The following DGKB variants were observed in gnomAD, a reference collection of about 807,000 sequenced individuals.
DGKB encodes the protein 90 kDa diacylglycerol kinase.
DGKB carries 67 observed loss-of-function variants against 114.3 expected under a neutral mutation model. The observed-to-expected ratio is 0.59, with a 90% CI of 0.48 to 0.72. DGKB has a LOEUF of 0.72. Among genes scored for constraint, DGKB ranks in the 30% least tolerant of loss-of-function variants. The pLI is 0.00. For missense variants in DGKB, 907 were observed against 975.2 expected, an observed-to-expected ratio of 0.93 and a Z score of 0.93; for synonymous variants, 398 against 323.1, an observed-to-expected ratio of 1.23 and a Z score of -2.49.
intron 1 of DGKB, among the ~76,000 whole-genome samples, chr7:14,949,434 G>T (rs181213150): frequency 6.6e-6 from 1 of 151,920 alleles, no homozygotes; most frequent in African/African-American, 2.4e-5. Flanking sequence ...ATAGAAAATT[G>T]TAAACATAAT....
At chr7:14,526,660 A>G (rs1167820356) in intron 20 of DGKB, among the ~76,000 whole-genome samples, 3 of 152,174 alleles carry the variant, frequency 2.0e-5, no homozygotes, top group Non-Finnish European at 4.4e-5. Flanking sequence ...ACTGATATTT[A>G]AAAACTCAAG....
At chr7:14,177,008 G>T (rs1347804863) in intron 24 of DGKB, 109 bp from the exon 25 acceptor site, 7 of 1,267,190 alleles carry the variant, frequency 5.5e-6, no homozygotes, top group Non-Finnish European at 7.7e-6. Context: ...GTAATAGTTG[G>T]GCTCTAAATT....
At chr7:14,876,828 A>T (rs1021379418) in intron 1 of DGKB, among the ~76,000 whole-genome samples, 7 of 152,226 alleles carry the variant, frequency 4.6e-5, no homozygotes, top group Non-Finnish European at 7.3e-5. Context: ...ATTATCATAC[A>T]TTCAGTGTAA....
intron 1 of DGKB, among the ~76,000 whole-genome samples, chr7:14,939,008 GT>G (rs1289016183): frequency 6.6e-6 from 1 of 152,128 alleles, no homozygotes; most frequent in African/African-American, 2.4e-5. Flanking sequence ...AGGCATTTAA[GT>G]ACCAGATTCA....
At chr7:14,165,821 G>C (rs934013090) in intron 25 of DGKB, among the ~76,000 whole-genome samples, 3 of 152,188 alleles carry the variant, frequency 2.0e-5, no homozygotes, top group African/African-American at 7.2e-5. Context: ...TGTTTGCTAA[G>C]TGTGGAACTG....
chr7:14,439,976 A>G (rs1829847744), intron 21 of DGKB, among the ~76,000 whole-genome samples: 1 of 152,110 alleles, frequency 6.6e-6, no homozygotes, highest in Non-Finnish European at 1.5e-5. Context: ...CATCATTACA[A>G]GACTGAATGA....
chr7:14,616,488 T>C (rs1195394080), intron 15 of DGKB, among the ~76,000 whole-genome samples: 1 of 151,760 alleles, frequency 6.6e-6, no homozygotes, highest in Admixed American at 6.6e-5. Flanking sequence ...ATTCTGAAAA[T>C]ACATTTGCTG....
At chr7:14,317,150 T>A (rs1277226943) in intron 23 of DGKB, among the ~76,000 whole-genome samples, 2 of 76,340 alleles carry the variant, frequency 2.6e-5, no homozygotes, top group African/African-American at 1.2e-4. Context: ...TAATAAGAGC[T>A]ATCTATGACA....
intron 1 of DGKB, among the ~76,000 whole-genome samples, chr7:14,859,322 G>T (rs528752458): frequency 9.2e-5 from 14 of 152,260 alleles, no homozygotes; most frequent in Admixed American, 6.5e-4. Context: ...AGGCTCCTTT[G>T]TCAGTCTCAG....
intron 2 of DGKB, among the ~76,000 whole-genome samples, chr7:14,815,697 C>T (rs1276306320): frequency 6.6e-6 from 1 of 152,136 alleles, no homozygotes; most frequent in East Asian, 1.9e-4. Context: ...TAGAGAACTT[C>T]AAACCACAGA....
At chr7:14,915,329 G>C (rs1356577677) in intron 1 of DGKB, among the ~76,000 whole-genome samples, 1 of 152,168 alleles carries the variant, frequency 6.6e-6, no homozygotes, top group Non-Finnish European at 1.5e-5. Flanking sequence ...AGTGAGCTAT[G>C]ATCAAGCCTC....
chr7:14,572,180 G>A (rs145575170), intron 20 of DGKB, among the ~76,000 whole-genome samples: 430 of 151,978 alleles, frequency 2.8e-3, no homozygotes, highest in Non-Finnish European at 4.6e-3. Context: ...TAGGCCGGGC[G>A]CGGTAGCTCA....
chr7:14,392,989 G>GTTTTTTTTTTTTTTTTTTTT (rs776845811), intron 21 of DGKB, among the ~76,000 whole-genome samples: 1 of 10,160 alleles, frequency 9.8e-5, no homozygotes, highest in Non-Finnish European at 4.9e-4. Context: ...CCTGTTTTTT[G>GTTTTTTTTTTTTTTTTTTTT]TTTTTGTTTT....
chr7:14,904,950 C>T (rs923428345), upstream of DGKB, among the ~76,000 whole-genome samples: 15 of 152,140 alleles, frequency 9.9e-5, no homozygotes, highest in African/African-American at 3.6e-4. Context: ...TAAACTTGCC[C>T]TGCTCAACAA....
intron 13 of DGKB, among the ~76,000 whole-genome samples, chr7:14,659,239 T>C (rs941421841): frequency 3.3e-5 from 5 of 152,048 alleles, no homozygotes; most frequent in African/African-American, 1.2e-4. Flanking sequence ...GCTGAACATA[T>C]TCATTGTTTC....
chr7:14,541,108 C>CTT (rs200110793), intron 20 of DGKB, among the ~76,000 whole-genome samples: 1 of 146,080 alleles, frequency 6.8e-6, no homozygotes, highest in African/African-American at 2.5e-5. Flanking sequence ...TGTTGGTCTC[C>CTT]TTTTTTTTTT....
intron 17 of DGKB, among the ~76,000 whole-genome samples, chr7:14,586,994 G>A (rs138300379): frequency 5.3e-5 from 8 of 152,092 alleles, no homozygotes; most frequent in African/African-American, 9.7e-5. Context: ...GCAGCTCGTC[G>A]ATCAAGGAGT....
intron 2 of DGKB, among the ~76,000 whole-genome samples, chr7:14,825,046 A>C (rs1034005756): frequency 1.5e-4 from 22 of 142,898 alleles, no homozygotes; most frequent in Non-Finnish European, 2.9e-4. Flanking sequence ...ATATATATAT[A>C]TATATATATA....
At chr7:14,292,432 T>C (rs759630101) in intron 23 of DGKB, among the ~76,000 whole-genome samples, 1 of 152,222 alleles carries the variant, frequency 6.6e-6, no homozygotes. Flanking sequence ...AGCTGAACTG[T>C]ATCTGCTCAT....
Sources: gnomAD v4.1 joint callset for allele counts (sites outside exome capture counted in the v4.1 genomes callset) on GRCh38, gnomAD v4.1.1 for gene constraint, MANE v1.5 for transcripts, NCBI Gene and HGNC (gene_info 2026-07-23, HGNC 2026-07-21) for gene names.